Variants in PKD1 observed in about 807,000 individuals in gnomAD.
PKD1 encodes polycystin-1.
A neutral mutation model predicts 361.7 loss-of-function variants in PKD1; 81 were observed. The ratio of observed to expected loss-of-function variants is 0.22; its 90% CI spans 0.19 to 0.27. PKD1 has a LOEUF of 0.27. Among genes scored for constraint, PKD1 ranks in the 10% least tolerant of loss-of-function variants. PKD1 has a pLI of 1.00. For missense variants in PKD1, 6,399 were observed against 6,118.3 expected (o/e 1.05, Z -1.53); for synonymous variants, 3,615 against 2,818.3 (o/e 1.28, Z -8.95).
chr16:2,096,218 C>T (rs1015165355), intron 34 of PKD1, among the ~76,000 whole-genome samples: 2 of 152,274 alleles, frequency 1.3e-5, no homozygotes, highest in Non-Finnish European at 2.9e-5. Flanking sequence ...ACCCAGACAC[C>T]GCAGCCCCTG....
intron 16 of PKD1, 96 bp downstream of exon 16, chr16:2,107,787 G>C (rs761315064): frequency 5.1e-6 from 6 of 1,167,136 alleles, no homozygotes; most frequent in Non-Finnish European, 6.2e-6. Context: ...AGGGGAGAGC[G>C]TGCGGCCTCC....
Position 2,108,560 on chromosome 16 carries a change from G to A in PKD1, c.6607C>T (p.Arg2203Cys), listed in dbSNP as rs371884198. Reference protein sequence around the residue: ...ASCQRPGRPARVALPGVDVSR... With the variant: ...ASCQRPGRPACVALPGVDVSR... The stretch of plus-strand genomic sequence containing the variant: ...ACGTCCACGCCGGGCAGGGCCACAC[G>A]CGCTGGGCGCCCCGGCCGCTGGCAG... Residue 2203 changes from arginine (R) to cysteine (C), a missense_variant, in exon 15 of 46, where the codon CGT becomes TGT. Arg to Cys is a radical substitution (Grantham distance 180). Transcript: ENST00000262304. The A allele has an allele frequency of 1.2e-5, 19 of 1,587,312 alleles. No homozygotes were observed. The highest frequency in any genetic ancestry group is 2.3e-4 in the Middle Eastern group (1 of 4,408).
chr16:2,114,096 C>T, intron 11 of PKD1, 74 bp downstream of exon 11: 3 of 1,264,396 alleles, frequency 2.4e-6, no homozygotes, highest in African/African-American at 1.5e-5. Context: ...GAAGCCAGGC[C>T]TCACGCCCTG....
rs142285430 is a variant in PKD1, at chr16:2,088,881, G to GCGCA, written c.*845_*846insTGCG. ...ACAGCACACTCGCGCGTGCGCGCGCGCACACACACACACACACAGTCACCT... is the reference window on the plus strand; with the variant it reads ...ACAGCACACTCGCGCGTGCGCGCGCGCGCACACACACACACACACACAGTCACCT... On this transcript the variant is annotated 3_prime_UTR_variant, in exon 46 of 46. Coordinates refer to ENST00000262304, the MANE Select transcript of PKD1 (RefSeq NM_001009944.3). 3.3e-3 allele frequency: 1,375 copies of GCGCA among 420,978 alleles called. 2 individuals are homozygous for GCGCA. The highest frequency in any genetic ancestry group is 4.1e-3 in the African/African-American group (183 of 44,530). The allele number at this position is 420,978 out of a possible 1,614,324, so 26.1% of individuals were successfully genotyped here.
rs2092661272 is a variant in PKD1 at position 2,117,611 on chromosome 16, G to T, written c.1263C>A (p.Arg421=). 6.2e-7 allele frequency: 1 copy of T among 1,610,462 alleles called. No individual in the cohort carries two copies. The highest frequency in any genetic ancestry group is 1.1e-5 in the South Asian group (1 of 90,962). ...GCCAGGCCGCCTTCTCCACCACCAG[G>T]CGGTAGCAGTGCCCGTTGCCAGGGA... ...EIFPGNGHCY[R]LVVEKAAWLQ... Residue 421 remains arginine (R), a synonymous_variant, in exon 6 of 46, where the codon CGC becomes CGA. Transcript: ENST00000262304.
intron 13 of PKD1, 27 bp from the exon 14 acceptor site, chr16:2,112,500 T>G: frequency 1.9e-6 from 3 of 1,581,402 alleles, no homozygotes; most frequent in Non-Finnish European, 2.6e-6. Context: ...ACGCAGTGAG[T>G]GAACCGGGAC....
chr16:2,123,336 G>A (rs1367665076), intron 1 of PKD1: 2 of 351,068 alleles, frequency 5.7e-6, no homozygotes, highest in African/African-American at 4.3e-5. Context: ...CCAGCCCCCA[G>A]GGTGTGGAAG....
chr16:2,105,294 G>A (rs774167504), intron 21 of PKD1, 28 bp downstream of exon 21: 8 of 1,592,132 alleles, frequency 5.0e-6, no homozygotes, highest in African/African-American at 1.3e-5. Flanking sequence ...GGCATGCGGG[G>A]CAGGGTGAGC....
chr16:2,131,235 C>T (rs543123400), intron 1 of PKD1, among the ~76,000 whole-genome samples: 179 of 152,274 alleles, frequency 1.2e-3, no homozygotes, highest in African/African-American at 4.2e-3. Flanking sequence ...ATTTAAAAGA[C>T]AGGCGGTGGC....
At chr16:2,092,906 G>A (rs1047925569) in intron 38 of PKD1, 48 bp downstream of exon 38, 6 of 1,610,878 alleles carry the variant, frequency 3.7e-6, no homozygotes, top group Middle Eastern at 1.7e-4. Context: ...CTGGACTAAA[G>A]GCAAAACTAA....
chr16:2,112,292 T>C (rs1386272935), intron 14 of PKD1, 48 bp downstream of exon 14: 10 of 1,533,404 alleles, frequency 6.5e-6, no homozygotes, highest in Non-Finnish European at 8.8e-6. Flanking sequence ...GGGGACCCCG[T>C]GCTCAGAGCC....
chr16:2,094,528 C>G (rs907393416), intron 34 of PKD1, among the ~76,000 whole-genome samples: 1 of 152,214 alleles, frequency 6.6e-6, no homozygotes, highest in African/African-American at 2.4e-5. Flanking sequence ...ATGAGCCCCC[C>G]TTCAACCCTG....
At position 2,100,671 on chromosome 16, in the gene PKD1, C is replaced by A. The variant is rs1298218847; in HGVS notation, c.9398-105G>T. 6 of 962,958 alleles carry A rather than the reference C, an allele frequency of 6.2e-6. No individual in the cohort carries two copies. The East Asian group carries it at 1.5e-4, about 24-fold the overall frequency. 59.7% of individuals were successfully genotyped at this position (962,958 alleles called of 1,614,324 possible). ...TGGCCTGTGCGCACTCAAGGAGCCA[C>A]ACAGGCAGTCCCGGCTTTGCACGGC... On this transcript the variant is annotated intron_variant, in intron 26 of 45. Transcript: ENST00000262304. This position sits in a 1 kb window ranked among gnomAD's most constrained non-coding sequence, Gnocchi z 4.4.
rs1340131790 is a variant in PKD1 at position 2,103,898 on chromosome 16, G to A, written c.8162-3C>T. ...GCTGGCCAGGTGGATGAGGTCTCCT[G>A]CAGACATGCGTGAGGTCAGTGCAGA... On this transcript the variant is annotated splice_region_variant and splice_polypyrimidine_tract_variant and intron_variant, in intron 22 of 45. Transcript: ENST00000262304. 8 of 1,513,090 alleles carry A rather than the reference G, an allele frequency of 5.3e-6. No homozygotes were observed. In the Admixed American group the frequency reaches 9.3e-5, roughly 18 times the overall value. 93.7% of individuals were successfully genotyped at this position (1,513,090 alleles called of 1,614,324 possible). A position where few individuals can be genotyped will look rare whatever the true frequency, so the allele number is the denominator to read the frequency against.
rs1268765976 is a variant in PKD1 at position 2,130,795 on chromosome 16, A to G, written c.215+4680T>C. 4.6e-5 allele frequency among the ~76,000 whole-genome samples: 7 copies of G among 152,316 alleles called. No individual in the cohort carries two copies. In the East Asian group the frequency reaches 1.4e-3, roughly 29 times the overall value. ...TCCCACACTCTCCTGTCATTCAGGG[A>G]TGCAGGTGGGAAAGGGCAAGGCCCC... is the stretch of plus-strand genomic sequence containing the variant. On this transcript the variant is annotated intron_variant, in intron 1 of 45. Coordinates refer to ENST00000262304, the MANE Select transcript of PKD1 (RefSeq NM_001009944.3).
chr16:2,097,775 G>C lies in PKD1; in HGVS notation c.10173C>G (p.Ala3391=). 6.2e-7 allele frequency: 1 copy of C among 1,611,442 alleles called. No homozygotes were observed. Residue 3391 remains alanine, a synonymous_variant, in exon 32 of 46, where the codon GCC becomes GCG. Transcript: ENST00000262304. ...AGTCACTCTTCATCTGTCCAACAAA[G>C]GCCTGCTGAGAGGTGCACAGTGTCT... ...LTFSGLHAEQ[A]FVGQMKSDLF...
intron 14 of PKD1, 80 bp from the exon 15 acceptor site, chr16:2,111,951 G>T: frequency 6.8e-7 from 1 of 1,470,012 alleles, no homozygotes; most frequent in Non-Finnish European, 9.4e-7. Context: ...CCCCGCCTGA[G>T]GAGCCCGGGG....
Position 2,111,584 on chromosome 16 carries a change from T to C in PKD1, c.3583A>G (p.Asn1195Asp), listed in dbSNP as rs746563848. 1.9e-6 allele frequency: 3 copies of C among 1,575,686 alleles called. No individual in the cohort carries two copies. Among genetic ancestry groups the C allele is most frequent in the Non-Finnish European group, 2.6e-6 (3 of 1,161,780 alleles). ...TGGGCCGCCGCACCGCTCACCGTGT[T>C]GTTGACCTCCAGGCGCACGTGGTAG... ...GTYHVRLEVN[N>D]TVSGAAAQAD... is the part of the protein sequence containing the mutation. Residue 1195 changes from asparagine (N) to aspartate (D), a missense_variant, in exon 15 of 46, where the codon AAC (asparagine) becomes GAC (aspartate). By Grantham distance (23) the Asn-to-Asp change is conservative. Coordinates refer to ENST00000262304, the MANE Select transcript of PKD1 (RefSeq NM_001009944.3).
rs2092530909 is a variant in PKD1 at position 2,112,211 on chromosome 16, G to A, written c.3295+129C>T. Reference sequence around the variant, plus strand: ...CTCCCTCACCCCAGTAGGGGCCTAAGCCATCAGCCCAGGTGAGGTCACAGT... The same window carrying A: ...CTCCCTCACCCCAGTAGGGGCCTAAACCATCAGCCCAGGTGAGGTCACAGT... On this transcript the variant is annotated intron_variant, in intron 14 of 45. Coordinates refer to ENST00000262304, the MANE Select transcript of PKD1 (RefSeq NM_001009944.3). 4.8e-6 allele frequency: 4 copies of A among 838,832 alleles called. No homozygotes were observed. In the African/African-American group the frequency reaches 5.1e-5, roughly 11 times the overall value. 52.0% of individuals were successfully genotyped at this position (838,832 alleles called of 1,614,324 possible). A position where few individuals can be genotyped will look rare whatever the true frequency, so the allele number is the denominator to read the frequency against.
Sources: allele counts gnomAD v4.1 joint callset (sites outside exome capture counted in the v4.1 genomes callset), GRCh38; gene constraint gnomAD v4.1.1; non-coding constraint Gnocchi (gnomAD v3.1); transcripts MANE v1.5; gene names NCBI Gene and HGNC (gene_info 2026-07-23, HGNC 2026-07-21).